Variants in AGMO observed in about 807,000 individuals in gnomAD.
AGMO encodes the protein alkylglycerol monooxygenase, also known as glyceryl-ether monooxygenase.
A neutral mutation model predicts 60.2 loss-of-function variants in AGMO; 75 were observed. The observed-to-expected ratio is 1.25, with a 90% CI of 1.03 to 1.51. The LOEUF (loss-of-function observed/expected upper bound fraction) is 1.51. Ranked by LOEUF, AGMO falls within the 40% of genes most tolerant of loss-of-function variation. AGMO has a pLI of 0.00. For missense variants in AGMO, 763 were observed against 525.5 expected (o/e 1.45, Z -4.42); for synonymous variants, 261 against 177.1 (o/e 1.47, Z -3.76).
chr7:15,517,153 A>G (rs1166316571), intron 3 of AGMO, among the ~76,000 whole-genome samples: 3 of 152,124 alleles, frequency 2.0e-5, no homozygotes. Context: ...ATCTAATATC[A>G]TAGTCCCCAA....
At chr7:15,476,122 A>C (rs1782587777) in intron 3 of AGMO, among the ~76,000 whole-genome samples, 1 of 152,130 alleles carries the variant, frequency 6.6e-6, no homozygotes, top group Admixed American at 6.6e-5. Context: ...ATATGTACAA[A>C]GTGAGAATAT....
At chr7:15,514,548 A>G (rs891884936) in intron 3 of AGMO, among the ~76,000 whole-genome samples, 1 of 152,166 alleles carries the variant, frequency 6.6e-6, no homozygotes, top group African/African-American at 2.4e-5. Flanking sequence ...ATCTTCTCTA[A>G]TCTTCTTTAT....
intron 5 of AGMO, chr7:15,396,497 A>G (rs1784390146): frequency 6.6e-6 from 1 of 152,254 alleles, no homozygotes; most frequent in Admixed American, 6.5e-5. Context: ...GGACCCAAAG[A>G]ACGAGCAGCA....
chr7:15,234,082 A>T (rs1022034434), intron 12 of AGMO, among the ~76,000 whole-genome samples: 1 of 147,586 alleles, frequency 6.8e-6, no homozygotes, highest in Non-Finnish European at 1.5e-5. Flanking sequence ...AATATTAGAG[A>T]AGAACAGGTC....
At chr7:15,222,102 A>G (rs73056433) in intron 12 of AGMO, among the ~76,000 whole-genome samples, 3,721 of 152,216 alleles carry the variant, frequency 0.024, 53 homozygotes, top group Middle Eastern at 0.048. Context: ...AGGATAAAGC[A>G]AGATGTAAGC....
intron 12 of AGMO, among the ~76,000 whole-genome samples, chr7:15,329,817 C>T (rs1291496038): frequency 6.6e-6 from 1 of 152,090 alleles, no homozygotes; most frequent in Non-Finnish European, 1.5e-5. Flanking sequence ...ATGCTATTTG[C>T]TGAAGTGGGT....
the AGMO span, among the ~76,000 whole-genome samples, chr7:15,195,122 C>A: frequency 6.6e-6 from 1 of 152,116 alleles, no homozygotes; most frequent in Non-Finnish European, 1.5e-5. Context: ...ACAAGAGACC[C>A]TGGAAGAAGC....
At chr7:15,449,498 G>T (rs1425931958) in intron 3 of AGMO, among the ~76,000 whole-genome samples, 1 of 152,092 alleles carries the variant, frequency 6.6e-6, no homozygotes, top group African/African-American at 2.4e-5. Flanking sequence ...AATATGTTTA[G>T]ATATACAAAT....
chr7:15,437,851 T>G (rs1047375413), intron 3 of AGMO, among the ~76,000 whole-genome samples: 1 of 152,180 alleles, frequency 6.6e-6, no homozygotes, highest in Non-Finnish European at 1.5e-5. Context: ...TTTGGCCACA[T>G]GTAGACATTA....
chr7:15,214,554 G>C (rs1289907915), intron 12 of AGMO, among the ~76,000 whole-genome samples: 1 of 151,950 alleles, frequency 6.6e-6, no homozygotes, highest in African/African-American at 2.4e-5. Context: ...GTAACCAAAG[G>C]AAAGTCTATA....
chr7:15,539,957 G>T (rs919811620), intron 3 of AGMO, among the ~76,000 whole-genome samples: 5 of 152,084 alleles, frequency 3.3e-5, no homozygotes. Flanking sequence ...GAGGCTGCCT[G>T]TATCAGTCAG....
the AGMO span, among the ~76,000 whole-genome samples, chr7:15,175,149 T>C: frequency 1.3e-5 from 2 of 151,956 alleles, no homozygotes. Context: ...TAATGTACTA[T>C]ATATTCATAA....
chr7:15,197,095 A>C (rs1201607859), downstream of AGMO, among the ~76,000 whole-genome samples: 4 of 152,060 alleles, frequency 2.6e-5, no homozygotes. Flanking sequence ...GATAGAGCCA[A>C]GCTGCTTCCA....
At chr7:15,292,773 T>C (rs1161499411) in intron 12 of AGMO, among the ~76,000 whole-genome samples, 2 of 134,500 alleles carry the variant, frequency 1.5e-5, no homozygotes, top group Non-Finnish European at 3.2e-5. Flanking sequence ...TTTTTTTTTT[T>C]TGAGACATAG....
At chr7:15,133,663 G>C in the AGMO span, among the ~76,000 whole-genome samples, 1 of 152,106 alleles carries the variant, frequency 6.6e-6, no homozygotes, top group African/African-American at 2.4e-5. Context: ...GCTACGCAGA[G>C]GATGGTGATA....
chr7:15,201,244 G>A lies in AGMO; in HGVS notation c.*41C>T. 4 of 1,391,562 alleles carry A rather than the reference G, an allele frequency of 2.9e-6. No individual in the cohort carries two copies. The highest frequency in any genetic ancestry group is 1.9e-4 in the Middle Eastern group (1 of 5,294). 86.2% of individuals were successfully genotyped at this position (1,391,562 alleles called of 1,614,324 possible). ...TAATATGCAGTCATAATATGCGTGTGGACAACTCATTAAAAGAAGAGAATT... is the reference window on the plus strand; with the variant it reads ...TAATATGCAGTCATAATATGCGTGTAGACAACTCATTAAAAGAAGAGAATT... On this transcript the variant is annotated 3_prime_UTR_variant, in exon 13 of 13. Transcript: ENST00000342526.
intron 12 of AGMO, among the ~76,000 whole-genome samples, chr7:15,230,303 C>G (rs1183667152): frequency 6.6e-6 from 1 of 151,996 alleles, no homozygotes; most frequent in Non-Finnish European, 1.5e-5. Context: ...TTTCCCCTTA[C>G]AGTTACAAGT....
the AGMO span, among the ~76,000 whole-genome samples, chr7:15,163,591 TTTTTAA>T: frequency 7.8e-4 from 119 of 152,276 alleles, 1 homozygote; most frequent in Middle Eastern, 3.4e-3. Flanking sequence ...TGGTTTTTTA[TTTTTAA>T]TTTTGTTTAT....
intron 10 of AGMO, among the ~76,000 whole-genome samples, chr7:15,384,365 T>G (rs1037490072): frequency 6.6e-6 from 1 of 152,256 alleles, no homozygotes; most frequent in South Asian, 2.1e-4. Flanking sequence ...CTAGGACAAC[T>G]ATCAGAATAT....
Sources: allele counts gnomAD v4.1 joint callset (sites outside exome capture counted in the v4.1 genomes callset), GRCh38; gene constraint gnomAD v4.1.1; transcripts MANE v1.5; gene names NCBI Gene and HGNC (gene_info 2026-07-23, HGNC 2026-07-21).